The following YY1 variants were observed in gnomAD, a reference collection of about 807,000 sequenced individuals.
The protein encoded by YY1 is YY1 transcription factor, also known as transcriptional repressor protein YY1.
Under a neutral mutation model 35.6 loss-of-function variants are expected in YY1, and 2 were observed. The observed-to-expected ratio is 0.06, with a 90% CI of 0.02 to 0.18. YY1 has a LOEUF of 0.18. Among genes scored for constraint, YY1 ranks in the 10% least tolerant of loss-of-function variants. The pLI is 1.00. For synonymous variants in YY1, 268 were observed against 238.9 expected (o/e 1.12, Z -1.12); for missense variants, 322 against 573.4 (o/e 0.56, Z 4.48).
chr14:100,245,086 G>A (rs1404996693), intron 1 of YY1, among the ~76,000 whole-genome samples: 4 of 151,904 alleles, frequency 2.6e-5, no homozygotes, highest in East Asian at 1.9e-4. Context: ...ACAGGCGCCC[G>A]CTGCCACACC....
At position 100,276,534 on chromosome 14, in the gene YY1, T is replaced by C. The variant is rs1595334565; in HGVS notation, c.948T>C (p.His316=). 6.2e-7 allele frequency: 1 copy of C among 1,614,238 alleles called. No homozygotes were observed. Among genetic ancestry groups the C allele is most frequent in the Non-Finnish European group, 8.5e-7 (1 of 1,180,044 alleles). ...GGGATAACTCGGCCATGAGAAAACA[T>C]CTGCACACCCACGGTCCCAGAGTCC... ...MFRDNSAMRK[H]LHTHGPRVHV... Residue 316 remains histidine (H), a synonymous_variant, in exon 4 of 5, where the codon CAT becomes CAC. Coordinates refer to ENST00000262238, the MANE Select transcript of YY1 (RefSeq NM_003403.5). This position sits in a 1 kb window ranked among gnomAD's most constrained non-coding sequence, Gnocchi z 4.1.
rs142748299 is a variant in YY1, at chr14:100,274,176, A to G, written c.843-522A>G. On this transcript the variant is annotated intron_variant, in intron 2 of 4. Transcript: ENST00000262238. Reference sequence around the variant, plus strand: ...ACTCTTCTGTACCCTTTAAAATGATATATTTTAAAGATCATTCGTGTCAGT... The same window carrying G: ...ACTCTTCTGTACCCTTTAAAATGATGTATTTTAAAGATCATTCGTGTCAGT... Among the ~76,000 whole-genome samples, 76 of 152,292 alleles carry G rather than the reference A, an allele frequency of 5.0e-4. 2 individuals are homozygous for G. Among genetic ancestry groups the G allele is most frequent in the African/African-American group, 1.7e-3 (69 of 41,564 alleles).
chr14:100,262,659 C>T (rs1030129897), intron 2 of YY1, among the ~76,000 whole-genome samples, 193 bp downstream of exon 2: 5 of 152,262 alleles, frequency 3.3e-5, no homozygotes, highest in African/African-American at 1.2e-4. Context: ...CTCTGTTGCC[C>T]AGACTGGAGT....
In YY1 at chr14:100,266,881, C is replaced by CA. The variant is rs551476753; in HGVS notation, c.842+4416dup. On this transcript the variant is annotated intron_variant, in intron 2 of 4. Transcript: ENST00000262238. ...TTTAGAGACCCAAGGATTCATGTTGCATGCACCCTTTCTGAGGAGGTAATT... is the reference window on the plus strand; with the variant it reads ...TTTAGAGACCCAAGGATTCATGTTGCAATGCACCCTTTCTGAGGAGGTAATT... Among the ~76,000 whole-genome samples, 15 of 152,310 alleles carry CA rather than the reference C, an allele frequency of 9.8e-5. No individual in the cohort carries two copies. In the South Asian group the frequency reaches 2.9e-3, roughly 29 times the overall value.
At chr14:100,260,812 G>A (rs1891075835) in intron 1 of YY1, among the ~76,000 whole-genome samples, 1 of 67,072 alleles carries the variant, frequency 1.5e-5, no homozygotes, top group Non-Finnish European at 2.8e-5. Flanking sequence ...TTTTTTTTTG[G>A]AGGCAGAGTC....
At chr14:100,273,118 C>T (rs562916794) in intron 2 of YY1, among the ~76,000 whole-genome samples, 2 of 152,108 alleles carry the variant, frequency 1.3e-5, no homozygotes, top group East Asian at 3.9e-4. Flanking sequence ...GCATCTGCCA[C>T]CACACCCGGC....
chr14:100,241,641 G>A (rs763044132), intron 1 of YY1, among the ~76,000 whole-genome samples: 2 of 152,130 alleles, frequency 1.3e-5, no homozygotes, highest in Non-Finnish European at 2.9e-5. Flanking sequence ...ATGTATTTTG[G>A]TAGCTCAAGA....
intron 2 of YY1, among the ~76,000 whole-genome samples, chr14:100,267,909 G>A (rs1009882517): frequency 1.6e-4 from 25 of 152,240 alleles, no homozygotes; most frequent in Admixed American, 9.2e-4. Context: ...TTTGCACCTA[G>A]GTGCCCTGTT....
At chr14:100,245,179 GC>G (rs1233468868) in intron 1 of YY1, among the ~76,000 whole-genome samples, 4 of 151,400 alleles carry the variant, frequency 2.6e-5, no homozygotes, top group Admixed American at 6.6e-5. Context: ...CTCGTGATCC[GC>G]CTGCCTCGGC....
At chr14:100,275,690 G>C (rs1891308065) in intron 3 of YY1, 1 of 152,116 alleles carries the variant, frequency 6.6e-6, no homozygotes, top group South Asian at 2.1e-4. Context: ...TCAACCTAGG[G>C]GTAAAGGCGG....
intron 2 of YY1, among the ~76,000 whole-genome samples, chr14:100,269,481 T>C (rs949858185): frequency 5.9e-5 from 9 of 152,134 alleles, no homozygotes; most frequent in Non-Finnish European, 1.0e-4. Context: ...AAAGTGTCCG[T>C]TGGTGAATGG....
chr14:100,274,788 T>TA, intron 3 of YY1, 30 bp downstream of exon 3: 1 of 1,592,294 alleles, frequency 6.3e-7, no homozygotes, highest in South Asian at 1.1e-5. Context: ...GAGTGTTCAT[T>TA]AAACTGTTGA....
chr14:100,265,665 T>G (rs1256204723), intron 2 of YY1, among the ~76,000 whole-genome samples: 1 of 148,754 alleles, frequency 6.7e-6, no homozygotes, highest in Non-Finnish European at 1.5e-5. Flanking sequence ...TTTTTTTTTT[T>G]TTGAGATGGA....
intron 1 of YY1, among the ~76,000 whole-genome samples, chr14:100,250,950 T>C (rs1890915757): frequency 2.0e-5 from 3 of 151,920 alleles, no homozygotes; most frequent in Admixed American, 2.0e-4. Flanking sequence ...AAGGCTGCAG[T>C]GAGCTCCACT....
chr14:100,260,782 T>C (rs1320810084), intron 1 of YY1, among the ~76,000 whole-genome samples: 15 of 27,708 alleles, frequency 5.4e-4, no homozygotes, highest in African/African-American at 1.6e-3. Flanking sequence ...TTTTTTTTTT[T>C]TTTTTTTTTT....
intron 1 of YY1, among the ~76,000 whole-genome samples, chr14:100,256,353 A>C (rs1891006113): frequency 6.6e-6 from 1 of 152,146 alleles, no homozygotes; most frequent in African/African-American, 2.4e-5. Context: ...TCATCAAATG[A>C]CACCACCATC....
chr14:100,257,757 C>G (rs970379820), intron 1 of YY1, among the ~76,000 whole-genome samples: 2 of 152,202 alleles, frequency 1.3e-5, no homozygotes, highest in Non-Finnish European at 2.9e-5. Context: ...GCCACCTAAT[C>G]TATATTTTTG....
At position 100,239,663 on chromosome 14, in the gene YY1, G is replaced by C. The variant is rs749056291; in HGVS notation, c.419G>C (p.Gly140Ala). 2 of 1,609,170 alleles carry C rather than the reference G, an allele frequency of 1.2e-6. No individual in the cohort carries two copies. The highest frequency in any genetic ancestry group is 1.7e-5 in the Admixed American group (1 of 59,946). Residue 140 changes from glycine (G) to alanine (A), a missense_variant, in exon 1 of 5, where the codon GGC becomes GCC. Transcript: ENST00000262238. Reference protein sequence around the residue: ...QILIPVPAPAGGDDDYIEQTL... With the variant: ...QILIPVPAPAAGDDDYIEQTL... ...CTCATCCCGGTGCCCGCGCCGGCCG[G>C]CGGCGACGACGACTACATTGAACAA...
intron 2 of YY1, 140 bp from the exon 3 acceptor site, chr14:100,274,558 A>G: frequency 2.8e-6 from 2 of 715,168 alleles, no homozygotes; most frequent in Non-Finnish European, 2.5e-6. Context: ...AAGTTGTCTC[A>G]TCCTTTCTGC....
Sources: gnomAD v4.1 joint callset for allele counts (sites outside exome capture counted in the v4.1 genomes callset) on GRCh38, gnomAD v4.1.1 for gene constraint, Gnocchi (gnomAD v3.1) non-coding constraint, MANE v1.5 for transcripts, NCBI Gene and HGNC (gene_info 2026-07-23, HGNC 2026-07-21) for gene names.